Variants in SLIT2 observed in about 807,000 individuals in gnomAD.
The protein encoded by SLIT2 is slit homolog 2 protein.
SLIT2 carries 41 observed loss-of-function variants against 185.7 expected under a neutral mutation model. The ratio of observed to expected loss-of-function variants is 0.22; its 90% CI spans 0.17 to 0.29. SLIT2 has a LOEUF of 0.29. Ranked by LOEUF, SLIT2 falls within the 10% of genes least tolerant of loss-of-function variation. The pLI is 1.00. For missense variants in SLIT2, 1,571 were observed against 1,909.0 expected, an observed-to-expected ratio of 0.82 and a Z score of 3.30; for synonymous variants, 693 against 680.2, an observed-to-expected ratio of 1.02 and a Z score of -0.29.
At chr4:20,339,637 G>A (rs1159350473) in intron 4 of SLIT2, among the ~76,000 whole-genome samples, 1 of 152,150 alleles carries the variant, frequency 6.6e-6, no homozygotes, top group Non-Finnish European at 1.5e-5. Context: ...TTTCTAGGTA[G>A]CACAAGGGAT....
intron 31 of SLIT2, among the ~76,000 whole-genome samples, 167 bp downstream of exon 31, chr4:20,596,001 A>G (rs1217186572): frequency 1.3e-5 from 2 of 152,218 alleles, no homozygotes; most frequent in Admixed American, 6.5e-5. Flanking sequence ...CCCATTTAAC[A>G]TGATGTGATT....
At chr4:20,537,589 T>C (rs1722409023) in intron 18 of SLIT2, among the ~76,000 whole-genome samples, 1 of 152,220 alleles carries the variant, frequency 6.6e-6, no homozygotes, top group African/African-American at 2.4e-5. Context: ...ATTGTATTTC[T>C]GTGGATGTTT....
chr4:20,424,529 T>C (rs1577631468), intron 4 of SLIT2, among the ~76,000 whole-genome samples: 2 of 152,112 alleles, frequency 1.3e-5, no homozygotes, highest in Admixed American at 6.5e-5. Context: ...TCACAGAACA[T>C]ACATGTCATT....
At chr4:20,316,483 T>C (rs1323111426) in intron 4 of SLIT2, among the ~76,000 whole-genome samples, 2 of 151,930 alleles carry the variant, frequency 1.3e-5, no homozygotes, top group African/African-American at 4.8e-5. Flanking sequence ...GCTTGTTGGA[T>C]CCCAGTATAT....
chr4:20,276,780 G>GA (rs764986804), intron 4 of SLIT2, among the ~76,000 whole-genome samples: 41 of 152,150 alleles, frequency 2.7e-4, no homozygotes, highest in Middle Eastern at 3.4e-3. Context: ...CCAATTGATT[G>GA]AAAAAAGCCT....
chr4:20,357,617 T>C (rs1456024716), intron 4 of SLIT2, among the ~76,000 whole-genome samples: 1 of 152,082 alleles, frequency 6.6e-6, no homozygotes, highest in Non-Finnish European at 1.5e-5. Flanking sequence ...GTAGTCTTTT[T>C]CTTTTGTTAC....
intron 19 of SLIT2, among the ~76,000 whole-genome samples, 176 bp from the exon 20 acceptor site, chr4:20,541,275 CAA>C (rs3215199): frequency 6.7e-6 from 1 of 149,210 alleles, no homozygotes; most frequent in Admixed American, 6.7e-5. Flanking sequence ...AATATTTTAT[CAA>C]AAAAAAAATG....
chr4:20,541,146 A>C (rs1722768016), intron 19 of SLIT2, among the ~76,000 whole-genome samples: 1 of 152,228 alleles, frequency 6.6e-6, no homozygotes, highest in Non-Finnish European at 1.5e-5. Flanking sequence ...TTCTAAATGA[A>C]ATATCTATCA....
intron 4 of SLIT2, among the ~76,000 whole-genome samples, chr4:20,374,648 C>G (rs551749981): frequency 1.3e-5 from 2 of 151,954 alleles, no homozygotes; most frequent in South Asian, 4.2e-4. Context: ...CTCTTCTCTC[C>G]TTCTCTTCCC....
At chr4:20,470,750 A>G (rs1714903391) in intron 5 of SLIT2, among the ~76,000 whole-genome samples, 1 of 151,718 alleles carries the variant, frequency 6.6e-6, no homozygotes, top group Non-Finnish European at 1.5e-5. Flanking sequence ...TAATTTTTGT[A>G]TTTTTAGTAG....
chr4:20,563,455 T>C (rs1362111542), intron 26 of SLIT2, among the ~76,000 whole-genome samples: 1 of 151,860 alleles, frequency 6.6e-6, no homozygotes, highest in African/African-American at 2.4e-5. Flanking sequence ...GAGAACCTCT[T>C]CTGTTTCTTA....
rs116575763 is a variant in SLIT2 at position 20,357,684 on chromosome 4, G to T, written c.395+88803G>T. Reference sequence around the variant, plus strand: ...GGATGTGAAAAGAAAGACAAAATCCGTGATGTTTGAAAGACATACTATTAT... The same window carrying T: ...GGATGTGAAAAGAAAGACAAAATCCTTGATGTTTGAAAGACATACTATTAT... On this transcript the variant is annotated intron_variant, in intron 4 of 36. Transcript: ENST00000504154. Among the ~76,000 whole-genome samples, 1,034 of 152,160 alleles carry T rather than the reference G, an allele frequency of 6.8e-3. 22 individuals are homozygous for T. The highest frequency in any genetic ancestry group is 0.024 in the African/African-American group (978 of 41,558).
At chr4:20,328,559 TA>T (rs1282019467) in intron 4 of SLIT2, among the ~76,000 whole-genome samples, 1 of 151,560 alleles carries the variant, frequency 6.6e-6, no homozygotes, top group Non-Finnish European at 1.5e-5. Flanking sequence ...TTTGCTGCAA[TA>T]AAAACAATAG....
In SLIT2 at chr4:20,533,812, C is replaced by T. The variant is rs140439600; in HGVS notation, c.1832+97C>T. On this transcript the variant is annotated intron_variant, in intron 18 of 36. Coordinates refer to ENST00000504154, the MANE Select transcript of SLIT2 (RefSeq NM_004787.4). ...AGAGAGAAACACCTACTTTTACCCA[C>T]CCCACTCCCTCTATCTCTTTCACAT... 1,630 of 978,838 alleles carry T rather than the reference C, an allele frequency of 1.7e-3. 3 individuals carry two copies. The highest frequency in any genetic ancestry group is 2.9e-3 in the Middle Eastern group (12 of 4,176). 60.6% of individuals were successfully genotyped at this position (978,838 alleles called of 1,614,324 possible).
chr4:20,374,751 A>G (rs1577526997), intron 4 of SLIT2, among the ~76,000 whole-genome samples: 2 of 152,118 alleles, frequency 1.3e-5, no homozygotes, highest in South Asian at 4.1e-4. Context: ...TAAACAGGAA[A>G]TGCAGCTTCA....
intron 30 of SLIT2, among the ~76,000 whole-genome samples, chr4:20,592,668 G>C (rs1419133717): frequency 6.6e-6 from 1 of 152,064 alleles, no homozygotes; most frequent in Non-Finnish European, 1.5e-5. Flanking sequence ...ATAATTCAGA[G>C]TGTTTCAAAG....
At chr4:20,479,742 A>G (rs1393175316) in intron 5 of SLIT2, among the ~76,000 whole-genome samples, 1 of 152,162 alleles carries the variant, frequency 6.6e-6, no homozygotes, top group Admixed American at 6.5e-5. Flanking sequence ...AGCAGCAGGA[A>G]AAGCAGACAT....
intron 4 of SLIT2, among the ~76,000 whole-genome samples, chr4:20,365,225 G>GTT (rs1723018408): frequency 6.6e-6 from 1 of 152,018 alleles, no homozygotes; most frequent in Non-Finnish European, 1.5e-5. Context: ...TAACATTCCC[G>GTT]TATCAGTTAA....
chr4:20,325,656 C>T (rs978418597), intron 4 of SLIT2, among the ~76,000 whole-genome samples: 1 of 152,024 alleles, frequency 6.6e-6, no homozygotes, highest in African/African-American at 2.4e-5. Context: ...AAATATTTTG[C>T]CCTAACTTCA....
Sources: gnomAD v4.1 joint callset for allele counts (sites outside exome capture counted in the v4.1 genomes callset) on GRCh38, gnomAD v4.1.1 for gene constraint, MANE v1.5 for transcripts, NCBI Gene and HGNC (gene_info 2026-07-23, HGNC 2026-07-21) for gene names.